COG5: variants seen among roughly 807,000 people sequenced by gnomAD.
COG5 encodes the protein component of oligomeric golgi complex 5.
Under a neutral mutation model 110.4 loss-of-function variants are expected in COG5, and 86 were observed. The observed-to-expected ratio is 0.78, with a 90% confidence interval of 0.65 to 0.93. The LOEUF is 0.93. Among genes scored for constraint, COG5 ranks in the 40% least tolerant of loss-of-function variants. The pLI is 0.00. For synonymous variants in COG5, 360 were observed against 334.6 expected (o/e 1.08, Z -0.83); for missense variants, 1,077 against 987.0 (o/e 1.09, Z -1.22).
chr7:107,405,422 T>C (rs991154025), intron 7 of COG5, among the ~76,000 whole-genome samples: 6 of 152,182 alleles, frequency 3.9e-5, no homozygotes, highest in Non-Finnish European at 2.9e-5. Context: ...AGGCTCTTTC[T>C]ACTACGACAG....
rs1463318485 is a variant in COG5, at chr7:107,203,576, A to G, written c.2430T>C (p.Phe810=). 6.2e-7 allele frequency: 1 copy of G among 1,614,186 alleles called. No homozygotes were observed. The highest frequency in any genetic ancestry group is 1.1e-5 in the South Asian group (1 of 91,090). The change falls in exon 22 of 22, where the codon TTT becomes TTC. Residue 810 remains phenylalanine, a synonymous_variant. Transcript: ENST00000297135. ...GAACCATTATGGGATAAACTGGTGC[A>G]AATTCTTTGCCTTCTCTACTTCTCA... ...QSVRSREGKE[F]APVYPIMVQL... is the part of the protein sequence containing the mutation.
At chr7:107,534,790 A>C (rs1468687027) in intron 5 of COG5, among the ~76,000 whole-genome samples, 1 of 151,590 alleles carries the variant, frequency 6.6e-6, no homozygotes, top group Non-Finnish European at 1.5e-5. Context: ...GATATTCAGG[A>C]CTTGAACTCA....
At chr7:107,374,250 T>C (rs1814440462) in intron 7 of COG5, among the ~76,000 whole-genome samples, 1 of 152,108 alleles carries the variant, frequency 6.6e-6, no homozygotes, top group African/African-American at 2.4e-5. Flanking sequence ...CTGTTTTATC[T>C]TTAAACTTTT....
At position 107,281,334 on chromosome 7, in the gene COG5, G is replaced by T; in HGVS notation, c.1541C>A (p.Thr514Asn). Residue 514 changes from threonine to asparagine, a missense_variant, in exon 14 of 22, where the codon ACC becomes AAC. Thr to Asn is a moderately conservative substitution (Grantham distance 65, BLOSUM62 0). Transcript: ENST00000297135. ...TGATTTTACACTGTATAACTGGATG[G>T]TCTTTGCCACATTTTTTGACACAGC... is the stretch of plus-strand genomic sequence containing the variant. ...TLAVSKNVAK[T>N]IQLYSVKSEQ... 6.2e-7 allele frequency: 1 copy of T among 1,613,294 alleles called. No individual in the cohort carries two copies. The highest frequency in any genetic ancestry group is 1.1e-5 in the South Asian group (1 of 91,058).
intron 6 of COG5, among the ~76,000 whole-genome samples, chr7:107,434,446 G>T (rs746363467): frequency 6.6e-6 from 1 of 152,116 alleles, no homozygotes; most frequent in Non-Finnish European, 1.5e-5. Context: ...AGAGATAAAT[G>T]CATAAAGAAA....
At chr7:107,522,967 T>G (rs1405657845) in intron 6 of COG5, among the ~76,000 whole-genome samples, 1 of 152,224 alleles carries the variant, frequency 6.6e-6, no homozygotes, top group African/African-American at 2.4e-5. Context: ...AACTCTGTTT[T>G]CTCTTAAAAG....
At chr7:107,530,601 CAAAAAAAAA>C (rs953588412) in intron 5 of COG5, among the ~76,000 whole-genome samples, 3 of 47,768 alleles carry the variant, frequency 6.3e-5, no homozygotes, top group African/African-American at 1.6e-4. Flanking sequence ...AACTCCATCT[CAAAAAAAAA>C]AAAAAAAAAA....
At chr7:107,497,618 A>C (rs897764893) in intron 6 of COG5, among the ~76,000 whole-genome samples, 5 of 152,194 alleles carry the variant, frequency 3.3e-5, no homozygotes, top group Admixed American at 6.5e-5. Flanking sequence ...TCAAAACTAC[A>C]AATAAAAGAA....
At chr7:107,533,691 T>C (rs1801373075) in intron 5 of COG5, among the ~76,000 whole-genome samples, 1 of 151,616 alleles carries the variant, frequency 6.6e-6, no homozygotes, top group Admixed American at 6.6e-5. Flanking sequence ...TACATTTGAT[T>C]GCTGTACCCG....
At chr7:107,268,379 G>A (rs984740966) in intron 14 of COG5, among the ~76,000 whole-genome samples, 2 of 152,008 alleles carry the variant, frequency 1.3e-5, no homozygotes, top group South Asian at 2.1e-4. Context: ...CTGTATATTC[G>A]TTTTAATATT....
At chr7:107,535,170 G>A (rs901515403) in intron 5 of COG5, among the ~76,000 whole-genome samples, 2 of 151,640 alleles carry the variant, frequency 1.3e-5, no homozygotes, top group Non-Finnish European at 2.9e-5. Context: ...AGCTAAATCA[G>A]TGTTTAGAGG....
At chr7:107,212,374 G>A (rs1799245344) in intron 19 of COG5, among the ~76,000 whole-genome samples, 1 of 152,240 alleles carries the variant, frequency 6.6e-6, no homozygotes, top group Non-Finnish European at 1.5e-5. Flanking sequence ...CACTGAAAAT[G>A]TGATGCACCT....
intron 5 of COG5, among the ~76,000 whole-genome samples, chr7:107,545,809 A>G (rs2129171420): frequency 6.6e-6 from 1 of 151,518 alleles, no homozygotes; most frequent in South Asian, 2.1e-4. Context: ...AGAAAAGAAA[A>G]GAAAGAAAAA....
At chr7:107,285,142 G>A (rs988069001) in intron 12 of COG5, among the ~76,000 whole-genome samples, 2 of 152,204 alleles carry the variant, frequency 1.3e-5, no homozygotes, top group African/African-American at 2.4e-5. Flanking sequence ...GGAAGATAGA[G>A]ATTAAGAGTG....
Position 107,556,623 on chromosome 7 carries a change from C to G in COG5, c.234+1353G>C, listed in dbSNP as rs1362952509. ...GCTCTCATAAACAACTTACACTGTT[C>G]TATTTAAAACAGGCCTCGCTTGCCT... On this transcript the variant is annotated intron_variant, in intron 2 of 21. Coordinates refer to ENST00000297135, the MANE Select transcript of COG5 (RefSeq NM_006348.5). 2.0e-5 allele frequency among the ~76,000 whole-genome samples: 3 copies of G among 152,310 alleles called. No homozygotes were observed. In the South Asian group the frequency reaches 6.2e-4, roughly 32 times the overall value.
At chr7:107,332,648 C>T (rs1449378957) in intron 10 of COG5, among the ~76,000 whole-genome samples, 1 of 151,942 alleles carries the variant, frequency 6.6e-6, no homozygotes, top group African/African-American at 2.4e-5. Flanking sequence ...ATCTGGGTCA[C>T]TAAGGTGCAC....
At position 107,372,264 on chromosome 7, in the gene COG5, A is replaced by G. The variant is rs185371911; in HGVS notation, c.835+331T>C. On this transcript the variant is annotated intron_variant, in intron 8 of 21. Transcript: ENST00000297135. The stretch of plus-strand genomic sequence containing the variant: ...CCTTAAAAAATATTTTCTGTCTTTA[A>G]GAAGTACATGGGAGGATAAGGATTT... Among the ~76,000 whole-genome samples, 12 of 152,324 alleles carry G rather than the reference A, an allele frequency of 7.9e-5. No individual in the cohort carries two copies. The East Asian group carries it at 1.9e-3, about 25-fold the overall frequency.
intron 14 of COG5, among the ~76,000 whole-genome samples, chr7:107,262,458 G>A (rs952864934): frequency 1.2e-4 from 18 of 152,276 alleles, no homozygotes; most frequent in African/African-American, 3.9e-4. Context: ...TTTTCAGAGA[G>A]CAAGCGGGGC....
chr7:107,203,838 T>C (rs1798547185), intron 21 of COG5, among the ~76,000 whole-genome samples: 1 of 152,218 alleles, frequency 6.6e-6, no homozygotes, highest in Non-Finnish European at 1.5e-5. Flanking sequence ...TGAAAAACTA[T>C]AACCATGTTT....
Sources: gnomAD v4.1 joint callset for allele counts (sites outside exome capture counted in the v4.1 genomes callset) on GRCh38, gnomAD v4.1.1 for gene constraint, MANE v1.5 for transcripts, NCBI Gene and HGNC (gene_info 2026-07-23, HGNC 2026-07-21) for gene names.